Variants in RIMKLB observed in about 807,000 individuals in gnomAD.
The protein encoded by RIMKLB is ribosomal modification protein rimK like family member B.
A neutral mutation model predicts 32.0 loss-of-function variants in RIMKLB; 7 were observed. That is an observed-to-expected ratio of 0.22 (90% CI 0.12 to 0.41). The LOEUF is 0.41. Among genes scored for constraint, RIMKLB ranks in the 10% least tolerant of loss-of-function variants. The probability of loss-of-function intolerance (pLI) is 1.00; values close to 1 mark genes in which losing one functional copy is unlikely to be tolerated. For synonymous variants in RIMKLB, 172 were observed against 185.1 expected, an observed-to-expected ratio of 0.93 and a Z score of 0.57; for missense variants, 289 against 498.7, an observed-to-expected ratio of 0.58 and a Z score of 4.00.
At chr12:8,763,246 G>A (rs893575669) in intron 5 of RIMKLB, among the ~76,000 whole-genome samples, 1 of 152,112 alleles carries the variant, frequency 6.6e-6, no homozygotes, top group East Asian at 1.9e-4. Flanking sequence ...CTGGTCCCTC[G>A]GACCTGTGTA....
At chr12:8,685,912 A>G (rs758926491) in intron 1 of RIMKLB, among the ~76,000 whole-genome samples, 55 of 152,118 alleles carry the variant, frequency 3.6e-4, no homozygotes, top group African/African-American at 1.2e-3. Flanking sequence ...GGTTCCAGCG[A>G]TTCTCCTGCC....
chr12:8,678,260 C>T (rs1053018116), upstream of RIMKLB, among the ~76,000 whole-genome samples: 4 of 151,902 alleles, frequency 2.6e-5, no homozygotes, highest in Non-Finnish European at 4.4e-5. Context: ...AAGTGATCCT[C>T]GCACGTTGGC....
At chr12:8,738,489 A>G (rs1376031092) in intron 2 of RIMKLB, among the ~76,000 whole-genome samples, 1 of 152,312 alleles carries the variant, frequency 6.6e-6, no homozygotes, top group East Asian at 1.9e-4. Context: ...GGCCTGAAGT[A>G]ATGACCTATG....
chr12:8,713,700 T>C, intron 1 of RIMKLB, 111 bp from the exon 2 acceptor site: 2 of 692,884 alleles, frequency 2.9e-6, no homozygotes, highest in Non-Finnish European at 4.8e-6. Context: ...CTACACGTGT[T>C]TTTTCCTGTT....
chr12:8,735,424 T>C (rs1177194377), intron 2 of RIMKLB, among the ~76,000 whole-genome samples: 2 of 152,194 alleles, frequency 1.3e-5, no homozygotes, highest in Non-Finnish European at 2.9e-5. Context: ...GAGACGGGGC[T>C]TTGCCATGTT....
rs561181369 is a variant in RIMKLB, at chr12:8,764,108, A to G, written c.698-9213A>G. Among the ~76,000 whole-genome samples the G allele has an allele frequency of 9.9e-5, 15 of 152,280 alleles. 1 individual carries two copies. Among genetic ancestry groups the G allele is most frequent in the Middle Eastern group, 3.4e-3 (1 of 294 alleles). On this transcript the variant is annotated intron_variant, in intron 5 of 5. Transcript: ENST00000535829. ...GTTTCTGTACTCCTAAAATTGGAGT[A>G]TTGTAGGGGCTACTGCATGATTTTA...
chr12:8,706,570 C>T (rs1943901455), intron 1 of RIMKLB, among the ~76,000 whole-genome samples: 2 of 151,648 alleles, frequency 1.3e-5, no homozygotes, highest in Non-Finnish European at 2.9e-5. Flanking sequence ...CCTGGCTCAG[C>T]CTCCTGAGTA....
chr12:8,716,725 C>CTT (rs71451981), intron 2 of RIMKLB, among the ~76,000 whole-genome samples: 1,186 of 95,058 alleles, frequency 0.012, 11 homozygotes, highest in African/African-American at 0.019. Context: ...TCTTTTCCTT[C>CTT]TTTTTTTTTT....
At chr12:8,764,318 T>C (rs775317095) in intron 5 of RIMKLB, among the ~76,000 whole-genome samples, 93 of 152,128 alleles carry the variant, frequency 6.1e-4, no homozygotes, top group Non-Finnish European at 9.9e-4. Context: ...CTTCCTCAAG[T>C]AGGGGACAAT....
intron 3 of RIMKLB, among the ~76,000 whole-genome samples, chr12:8,751,051 C>T (rs754349653): frequency 2.7e-4 from 41 of 152,068 alleles, no homozygotes; most frequent in Admixed American, 1.0e-3. Flanking sequence ...CATGTGTGGA[C>T]GCAGTTTCTG....
intron 2 of RIMKLB, among the ~76,000 whole-genome samples, chr12:8,748,609 TTA>T (rs1441572028): frequency 6.8e-6 from 1 of 147,896 alleles, no homozygotes; most frequent in Non-Finnish European, 1.5e-5. Flanking sequence ...TATATATTTT[TTA>T]TATATATATA....
intron 2 of RIMKLB, 44 bp downstream of exon 2, chr12:8,714,085 T>G: frequency 6.5e-7 from 1 of 1,526,896 alleles, no homozygotes; most frequent in South Asian, 1.1e-5. Flanking sequence ...TTACCTAGAA[T>G]ATGATGAATC....
chr12:8,725,994 T>C (rs1449379009), intron 2 of RIMKLB, among the ~76,000 whole-genome samples: 1 of 152,176 alleles, frequency 6.6e-6, no homozygotes, highest in Non-Finnish European at 1.5e-5. Context: ...ACTACAGGCA[T>C]GTGCCATCAT....
Position 8,777,151 on chromosome 12 carries a change from G to C in RIMKLB, c.*3367G>C. On this transcript the variant is annotated 3_prime_UTR_variant, in exon 6 of 6. Transcript: ENST00000535829. Reference sequence around the variant, plus strand: ...TTAAGATTTGTTTTTGTTGTACTAGGATTTTAAAAAATGTAATATATTGCA... The same window carrying C: ...TTAAGATTTGTTTTTGTTGTACTAGCATTTTAAAAAATGTAATATATTGCA... The C allele has an allele frequency of 1.3e-5, 13 of 979,360 alleles. No homozygotes were observed. The highest frequency in any genetic ancestry group is 1.6e-5 in the Non-Finnish European group (13 of 827,976). The allele number at this position is 979,360 out of a possible 1,614,324, so 60.7% of individuals were successfully genotyped here.
chr12:8,733,224 G>T (rs1446508412), intron 2 of RIMKLB, among the ~76,000 whole-genome samples: 4 of 149,828 alleles, frequency 2.7e-5, no homozygotes, highest in Non-Finnish European at 4.4e-5. Flanking sequence ...CAACAACAAA[G>T]AATTATTCTG....
At chr12:8,706,706 A>C (rs764538099) in intron 1 of RIMKLB, among the ~76,000 whole-genome samples, 1 of 152,118 alleles carries the variant, frequency 6.6e-6, no homozygotes, top group East Asian at 1.9e-4. Flanking sequence ...CGCCCACCTC[A>C]GCCCTCCAAA....
chr12:8,680,269 C>T (rs924486207), upstream of RIMKLB, among the ~76,000 whole-genome samples: 1 of 152,244 alleles, frequency 6.6e-6, no homozygotes, highest in African/African-American at 2.4e-5. Context: ...CGTTCTCCTG[C>T]CTCAGCCTCC....
At position 8,776,591 on chromosome 12, in the gene RIMKLB, T is replaced by C; in HGVS notation, c.*2807T>C. On this transcript the variant is annotated 3_prime_UTR_variant, in exon 6 of 6. Coordinates refer to ENST00000535829, the MANE Select transcript of RIMKLB (RefSeq NM_001297776.2). ...CAAAAATGATTATTTCTGATATTGTTTTTATGTCACCCATGATGAAAACTG... is the reference window on the plus strand; with the variant it reads ...CAAAAATGATTATTTCTGATATTGTCTTTATGTCACCCATGATGAAAACTG... The C allele has an allele frequency of 1.2e-6, 1 of 843,404 alleles. No homozygotes were observed. The highest frequency in any genetic ancestry group is 1.4e-6 in the Non-Finnish European group (1 of 700,862). 52.2% of individuals were successfully genotyped at this position (843,404 alleles called of 1,614,324 possible).
At chr12:8,769,594 T>C (rs1035194354) in intron 5 of RIMKLB, among the ~76,000 whole-genome samples, 2 of 152,168 alleles carry the variant, frequency 1.3e-5, no homozygotes, top group African/African-American at 4.8e-5. Context: ...TTTTCTAATT[T>C]TTGCTGGTTA....
Sources: allele counts gnomAD v4.1 joint callset (sites outside exome capture counted in the v4.1 genomes callset), GRCh38; gene constraint gnomAD v4.1.1; transcripts MANE v1.5; gene names NCBI Gene and HGNC (gene_info 2026-07-23, HGNC 2026-07-21).